The following MAD1L1 variants were observed in gnomAD, a reference collection of about 807,000 sequenced individuals.
MAD1L1 encodes mitotic arrest deficient 1 like 1, also known as mitotic spindle assembly checkpoint protein MAD1.
MAD1L1 carries 95 observed loss-of-function variants against 96.9 expected under a neutral mutation model. The ratio of observed to expected loss-of-function variants is 0.98; its 90% CI spans 0.83 to 1.16. MAD1L1 has a LOEUF of 1.16. MAD1L1 is among the 50% of genes most tolerant of loss of function. The pLI, the probability that MAD1L1 is intolerant of heterozygous loss-of-function variation, is 0.00. For synonymous variants in MAD1L1, 473 were observed against 396.6 expected (o/e 1.19, Z -2.29); for missense variants, 1,007 against 954.4 (o/e 1.06, Z -0.73).
chr7:2,057,944 G>C (rs1358226774), intron 12 of MAD1L1, among the ~76,000 whole-genome samples: 1 of 152,214 alleles, frequency 6.6e-6, no homozygotes, highest in African/African-American at 2.4e-5. Context: ...GGAGGAAAGG[G>C]GCATGGAGAG....
chr7:2,157,459 G>A (rs545003054), intron 10 of MAD1L1, among the ~76,000 whole-genome samples: 12 of 152,316 alleles, frequency 7.9e-5, no homozygotes, highest in African/African-American at 2.4e-4. Flanking sequence ...GCATGCTCCC[G>A]ACACGGAAGA....
At chr7:2,126,835 G>A (rs1001046368) in intron 11 of MAD1L1, among the ~76,000 whole-genome samples, 1 of 152,190 alleles carries the variant, frequency 6.6e-6, no homozygotes, top group South Asian at 2.1e-4. Flanking sequence ...CCCATGGGTC[G>A]GGCTTCATTA....
intron 11 of MAD1L1, among the ~76,000 whole-genome samples, chr7:2,129,208 G>A (rs528505816): frequency 3.3e-5 from 5 of 152,312 alleles, no homozygotes; most frequent in East Asian, 3.9e-4. Context: ...CTAACCCACC[G>A]CCAGGCAGCT....
intron 17 of MAD1L1, among the ~76,000 whole-genome samples, chr7:1,926,480 G>A (rs189408041): frequency 1.3e-4 from 20 of 151,914 alleles, no homozygotes; most frequent in Admixed American, 2.0e-4. Flanking sequence ...GACGATGTCA[G>A]CAAGATGAAC....
chr7:2,150,499 T>C (rs1388385552), intron 10 of MAD1L1, among the ~76,000 whole-genome samples: 1 of 151,964 alleles, frequency 6.6e-6, no homozygotes, highest in Non-Finnish European at 1.5e-5. Context: ...CCTCCCCCGG[T>C]CTTCCAGCAC....
At chr7:2,109,285 T>C (rs1174801575) in intron 11 of MAD1L1, among the ~76,000 whole-genome samples, 1 of 152,202 alleles carries the variant, frequency 6.6e-6, no homozygotes, top group Non-Finnish European at 1.5e-5. Context: ...AGTCCCTGCC[T>C]TAAGCAGCCC....
At chr7:2,096,539 T>C (rs1786498566) in intron 11 of MAD1L1, among the ~76,000 whole-genome samples, 1 of 151,680 alleles carries the variant, frequency 6.6e-6, no homozygotes, top group Non-Finnish European at 1.5e-5. Flanking sequence ...ATTCTGTGTG[T>C]GCATTGGGCA....
intron 11 of MAD1L1, among the ~76,000 whole-genome samples, chr7:2,095,129 G>A (rs972176884): frequency 6.6e-6 from 1 of 152,004 alleles, no homozygotes; most frequent in African/African-American, 2.4e-5. Flanking sequence ...TACAAGCTCC[G>A]CCTCCGGGGT....
At chr7:2,024,087 T>A (rs994784702) in intron 12 of MAD1L1, among the ~76,000 whole-genome samples, 77 of 150,554 alleles carry the variant, frequency 5.1e-4, no homozygotes, top group African/African-American at 1.8e-3. Flanking sequence ...TTCATAAATC[T>A]GTAGCCAGGT....
chr7:2,207,057 GA>G (rs1276782515), intron 10 of MAD1L1, among the ~76,000 whole-genome samples: 2 of 142,684 alleles, frequency 1.4e-5, no homozygotes, highest in Non-Finnish European at 3.0e-5. Context: ...CAGCCTGGGC[GA>G]CAGAGTAAGA....
chr7:1,965,868 C>T (rs1217685612), intron 15 of MAD1L1, among the ~76,000 whole-genome samples: 1 of 152,386 alleles, frequency 6.6e-6, no homozygotes, highest in African/African-American at 2.4e-5. Flanking sequence ...CCCCACGTCC[C>T]TGGAGGACCA....
At chr7:1,907,248 C>T (rs1269701486) in intron 17 of MAD1L1, among the ~76,000 whole-genome samples, 1 of 152,220 alleles carries the variant, frequency 6.6e-6, no homozygotes, top group African/African-American at 2.4e-5. Flanking sequence ...GGACCGGTGC[C>T]CCAGTGAGGA....
At chr7:2,070,559 G>A (rs989807950) in intron 11 of MAD1L1, among the ~76,000 whole-genome samples, 2 of 152,248 alleles carry the variant, frequency 1.3e-5, no homozygotes, top group African/African-American at 2.4e-5. Context: ...GTCCGCGGAG[G>A]GAGGGCCCAT....
chr7:1,856,018 C>T (rs116717483), intron 18 of MAD1L1, among the ~76,000 whole-genome samples: 2,096 of 152,270 alleles, frequency 0.014, 40 homozygotes, highest in African/African-American at 0.048. Context: ...GGTGCGCTCA[C>T]GTGGGGTGCG....
intron 18 of MAD1L1, chr7:1,847,710 G>A (rs1460340782): frequency 1.1e-5 from 5 of 470,246 alleles, no homozygotes; most frequent in Non-Finnish European, 2.2e-5. Flanking sequence ...GGGCAGGCCT[G>A]GGTTCCCATC....
chr7:2,010,038 C>A (rs754167594), intron 13 of MAD1L1, among the ~76,000 whole-genome samples: 4 of 150,232 alleles, frequency 2.7e-5, no homozygotes, highest in Non-Finnish European at 5.9e-5. Context: ...AACCCCTTGG[C>A]CCACTTTTCT....
intron 18 of MAD1L1, among the ~76,000 whole-genome samples, chr7:1,856,370 G>A (rs984101363): frequency 2.0e-5 from 3 of 152,194 alleles, no homozygotes; most frequent in East Asian, 3.9e-4. Context: ...GGAAGAACCC[G>A]CCAGTCCCCA....
At chr7:2,162,025 C>T (rs1790170186) in intron 10 of MAD1L1, among the ~76,000 whole-genome samples, 1 of 145,828 alleles carries the variant, frequency 6.9e-6, no homozygotes, top group African/African-American at 2.6e-5. Flanking sequence ...TGCCCATCCA[C>T]CCGGCCGCCC....
At chr7:2,170,873 T>C (rs1584477305) in intron 10 of MAD1L1, among the ~76,000 whole-genome samples, 2 of 152,264 alleles carry the variant, frequency 1.3e-5, no homozygotes, top group South Asian at 4.2e-4. Flanking sequence ...TGGATGGGCC[T>C]GCCTCTCCCA....
Sources: allele counts gnomAD v4.1 joint callset (sites outside exome capture counted in the v4.1 genomes callset), GRCh38; gene constraint gnomAD v4.1.1; transcripts MANE v1.5; gene names NCBI Gene and HGNC (gene_info 2026-07-23, HGNC 2026-07-21).